The following LAMA2 variants were observed in gnomAD, a reference collection of about 807,000 sequenced individuals.
LAMA2 encodes laminin subunit alpha 2, also known as laminin subunit alpha-2.
A neutral mutation model predicts 364.8 loss-of-function variants in LAMA2; 269 were observed. The observed-to-expected ratio is 0.74, with a 90% CI of 0.67 to 0.82. The LOEUF is 0.82. Ranked by LOEUF, LAMA2 falls within the 40% of genes least tolerant of loss-of-function variation. The pLI is 0.00. For missense variants in LAMA2, 3,807 were observed against 3,873.2 expected (o/e 0.98, Z 0.45); for synonymous variants, 1,379 against 1,370.6 (o/e 1.01, Z -0.14).
In LAMA2 at chr6:129,291,623, G is replaced by C. The variant is rs745890735; in HGVS notation, c.2759G>C (p.Cys920Ser). 6.2e-7 allele frequency: 1 copy of C among 1,613,756 alleles called. No homozygotes were observed. Among genetic ancestry groups the C allele is most frequent in the South Asian group, 1.1e-5 (1 of 91,072 alleles). Residue 920 changes from cysteine to serine, a missense_variant, in exon 20 of 65, where the codon TGT becomes TCT. Physicochemically the swap from Cys to Ser is moderately radical, Grantham distance 112 (BLOSUM62 -1). Coordinates refer to ENST00000421865, the MANE Select transcript of LAMA2 (RefSeq NM_000426.4). ...TCTCTTCTCTTTGCAGCCTGTCGCT[G>C]TAATGCCGGTGGCTCTTTCTCTGAG... ...VDAKNCQPCR[C>S]NAGGSFSEVC...
chr6:129,419,003 T>C lies in LAMA2; in HGVS notation c.5866-8749T>C, dbSNP rs143493382. Among the ~76,000 whole-genome samples the C allele has an allele frequency of 3.9e-5, 6 of 152,292 alleles. No individual in the cohort carries two copies. In the East Asian group the frequency reaches 1.2e-3, roughly 29 times the overall value. On this transcript the variant is annotated intron_variant, in intron 40 of 64. Transcript: ENST00000421865. ...ACCTCACATACTGGTCATTTTTCTG[T>C]GTTGAGAACACTTAAAATCTACTCT...
chr6:128,970,101 T>C (rs1246590053), intron 1 of LAMA2, among the ~76,000 whole-genome samples: 2 of 152,186 alleles, frequency 1.3e-5, no homozygotes, highest in Non-Finnish European at 2.9e-5. Context: ...AATTTATAAG[T>C]CATAAGCTGC....
chr6:129,235,456 G>C (rs1304355565), intron 12 of LAMA2, among the ~76,000 whole-genome samples: 1 of 152,164 alleles, frequency 6.6e-6, no homozygotes, highest in Non-Finnish European at 1.5e-5. Context: ...GAAAGCATAT[G>C]AAGAAAATAA....
chr6:128,977,232 T>TTTCTTGCTTTC (rs1461276300), intron 1 of LAMA2, among the ~76,000 whole-genome samples: 27 of 151,824 alleles, frequency 1.8e-4, no homozygotes, highest in Non-Finnish European at 2.5e-4. Flanking sequence ...TCCTCCTTTC[T>TTTCTTGCTTTC]TTCTTGCTTT....
intron 64 of LAMA2, 85 bp from the exon 65 acceptor site, chr6:129,516,105 A>C: frequency 7.0e-7 from 1 of 1,430,648 alleles, no homozygotes; most frequent in Non-Finnish European, 9.9e-7. Context: ...ATTTAATCTC[A>C]AGCTAACAGT....
At chr6:129,482,673 G>A (rs1420969069) in intron 55 of LAMA2, among the ~76,000 whole-genome samples, 3 of 151,992 alleles carry the variant, frequency 2.0e-5, no homozygotes, top group Non-Finnish European at 2.9e-5. Context: ...AAAATACAAA[G>A]CCCACACAAA....
intron 12 of LAMA2, among the ~76,000 whole-genome samples, chr6:129,207,290 GTCT>G (rs1008029502): frequency 6.6e-6 from 1 of 151,714 alleles, no homozygotes; most frequent in Non-Finnish European, 1.5e-5. Context: ...GATTTTGAAG[GTCT>G]TTTTTTTTTC....
At chr6:128,889,898 A>G (rs1041745716) in intron 1 of LAMA2, among the ~76,000 whole-genome samples, 1 of 152,174 alleles carries the variant, frequency 6.6e-6, no homozygotes, top group African/African-American at 2.4e-5. Context: ...GACACGTGAC[A>G]TTTACAAAAG....
intron 1 of LAMA2, among the ~76,000 whole-genome samples, chr6:128,907,152 GT>G (rs1228476729): frequency 7.0e-6 from 1 of 143,128 alleles, no homozygotes; most frequent in Non-Finnish European, 1.5e-5. Flanking sequence ...CTTTAAAGTA[GT>G]TTTTTCCAAT....
At chr6:129,021,495 A>G (rs1450679384) in intron 1 of LAMA2, among the ~76,000 whole-genome samples, 4 of 152,208 alleles carry the variant, frequency 2.6e-5, no homozygotes, top group African/African-American at 9.7e-5. Flanking sequence ...GGAAGTAAAA[A>G]TGTTCAAAAG....
chr6:129,232,055 G>A (rs1205071416), intron 12 of LAMA2, among the ~76,000 whole-genome samples: 6 of 152,088 alleles, frequency 3.9e-5, no homozygotes, highest in East Asian at 3.9e-4. Context: ...TGCATTATAC[G>A]AAGTTCTTTC....
At chr6:129,500,421 G>T (rs1265652189) in intron 58 of LAMA2, among the ~76,000 whole-genome samples, 3 of 152,136 alleles carry the variant, frequency 2.0e-5, no homozygotes, top group Non-Finnish European at 2.9e-5. Context: ...TGATCAGTTT[G>T]GTACAACTCT....
intron 1 of LAMA2, among the ~76,000 whole-genome samples, chr6:128,943,474 A>G (rs1181347956): frequency 6.7e-6 from 1 of 149,188 alleles, no homozygotes; most frequent in African/African-American, 2.5e-5. Flanking sequence ...TTTTTTTTTG[A>G]AGAGACAGGG....
intron 12 of LAMA2, among the ~76,000 whole-genome samples, chr6:129,201,040 C>T (rs989831386): frequency 2.6e-5 from 4 of 152,082 alleles, no homozygotes; most frequent in African/African-American, 9.7e-5. Context: ...TCTAGATTTC[C>T]TTATCTACCT....
chr6:129,105,620 T>C (rs1395095736), intron 4 of LAMA2, among the ~76,000 whole-genome samples: 1 of 152,194 alleles, frequency 6.6e-6, no homozygotes, highest in East Asian at 1.9e-4. Context: ...AGAATATTGG[T>C]CATTCTAACT....
chr6:129,052,305 C>CT (rs71272306), intron 2 of LAMA2, among the ~76,000 whole-genome samples: 22,188 of 131,124 alleles, frequency 0.17, 2,019 homozygotes, highest in African/African-American at 0.22. Context: ...CCGGCTAATT[C>CT]TTTTTTTTTT....
intron 3 of LAMA2, among the ~76,000 whole-genome samples, chr6:129,079,318 ACTT>A (rs1309825250): frequency 6.6e-6 from 1 of 152,136 alleles, no homozygotes; most frequent in African/African-American, 2.4e-5. Context: ...TATAAATTAA[ACTT>A]CATCAAAGAT....
chr6:129,371,986 C>T (rs1423194386), intron 34 of LAMA2, among the ~76,000 whole-genome samples: 1 of 152,156 alleles, frequency 6.6e-6, no homozygotes, highest in Admixed American at 6.5e-5. Flanking sequence ...CAGATTGTCT[C>T]ATGCTATGTT....
At chr6:129,108,390 T>C (rs1342050826) in intron 4 of LAMA2, among the ~76,000 whole-genome samples, 1 of 152,194 alleles carries the variant, frequency 6.6e-6, no homozygotes, top group Non-Finnish European at 1.5e-5. Flanking sequence ...ATCATTTTAC[T>C]CTTAGCTTAT....
Sources: allele counts gnomAD v4.1 joint callset (sites outside exome capture counted in the v4.1 genomes callset), GRCh38; gene constraint gnomAD v4.1.1; transcripts MANE v1.5; gene names NCBI Gene and HGNC (gene_info 2026-07-23, HGNC 2026-07-21).